WDR7: variants seen among roughly 807,000 people sequenced by gnomAD.
WDR7 encodes WD repeat-containing protein 7.
WDR7 carries 46 observed loss-of-function variants against 169.4 expected under a neutral mutation model. The ratio of observed to expected loss-of-function variants is 0.27; its 90% CI spans 0.21 to 0.35. The LOEUF is 0.35. Among genes scored for constraint, WDR7 ranks in the 10% least tolerant of loss-of-function variants. The pLI, the probability that WDR7 is intolerant of heterozygous loss-of-function variation, is 1.00. For missense variants in WDR7, 1,534 were observed against 1,859.3 expected (o/e 0.83, Z 3.22); for synonymous variants, 612 against 666.8 (o/e 0.92, Z 1.27).
chr18:56,959,785 G>A (rs866165878), intron 25 of WDR7, among the ~76,000 whole-genome samples: 21 of 152,252 alleles, frequency 1.4e-4, no homozygotes, highest in Middle Eastern at 3.4e-3. Context: ...TCAGGGCAGG[G>A]AGCAAGTAAT....
intron 21 of WDR7, among the ~76,000 whole-genome samples, chr18:56,895,446 G>A (rs1391555581): frequency 2.0e-5 from 3 of 150,400 alleles, no homozygotes; most frequent in East Asian, 3.9e-4. Context: ...AAGCATTAGG[G>A]GATAGGAAAA....
chr18:56,811,174 A>G (rs1012734780), intron 19 of WDR7, among the ~76,000 whole-genome samples: 1 of 152,290 alleles, frequency 6.6e-6, no homozygotes, highest in Non-Finnish European at 1.5e-5. Context: ...TCATTTATTC[A>G]TCAGTTGATG....
chr18:56,897,669 T>C (rs141423524), intron 21 of WDR7, among the ~76,000 whole-genome samples: 296 of 152,068 alleles, frequency 1.9e-3, no homozygotes, highest in African/African-American at 6.8e-3. Flanking sequence ...CTTTGTATTG[T>C]TGAGCCAAAT....
rs1853122423 is a variant in WDR7, at chr18:56,776,828, C to T, written c.2895C>T (p.Gly965=). ...VSARSDADHS[G]SDPPSAPALH... is the part of the protein sequence containing the mutation. ...CTCGGTCTGATGCTGATCACTCTGGCTCTGACCCTCCTTCTGCTCCTGCTT... is the reference window on the plus strand; with the variant it reads ...CTCGGTCTGATGCTGATCACTCTGGTTCTGACCCTCCTTCTGCTCCTGCTT... Residue 965 remains glycine, a synonymous_variant, in exon 17 of 28, where the codon GGC becomes GGT. Transcript: ENST00000254442. 1.2e-6 allele frequency: 2 copies of T among 1,614,044 alleles called. No homozygotes were observed. The highest frequency in any genetic ancestry group is 1.7e-6 in the Non-Finnish European group (2 of 1,179,928).
At chr18:56,790,872 ATTTG>A (rs1291115960) in intron 19 of WDR7, among the ~76,000 whole-genome samples, 2 of 151,368 alleles carry the variant, frequency 1.3e-5, no homozygotes, top group East Asian at 3.9e-4. Context: ...TTTTTTTTTT[ATTTG>A]TTTGAGCACC....
chr18:56,805,065 T>C (rs1214596237), intron 19 of WDR7, among the ~76,000 whole-genome samples: 1 of 152,050 alleles, frequency 6.6e-6, no homozygotes, highest in East Asian at 1.9e-4. Context: ...CCTAGTCCAC[T>C]CAGACTCTCA....
At chr18:56,743,063 A>C (rs908380353) in intron 14 of WDR7, among the ~76,000 whole-genome samples, 1 of 152,202 alleles carries the variant, frequency 6.6e-6, no homozygotes, top group African/African-American at 2.4e-5. Context: ...TGTGAGTTAG[A>C]TTCGGTGAGA....
chr18:56,772,988 T>C (rs1184876627), intron 16 of WDR7, among the ~76,000 whole-genome samples: 3 of 152,190 alleles, frequency 2.0e-5, no homozygotes, highest in Non-Finnish European at 2.9e-5. Context: ...GGGAATCCTG[T>C]ATTCAAAATG....
At chr18:56,893,688 A>G (rs905699695) in intron 21 of WDR7, among the ~76,000 whole-genome samples, 5 of 152,092 alleles carry the variant, frequency 3.3e-5, no homozygotes, top group African/African-American at 9.7e-5. Flanking sequence ...TGTGAAATCA[A>G]TAAATGTATG....
chr18:57,006,251 A>G (rs1267208007), intron 26 of WDR7, among the ~76,000 whole-genome samples: 1 of 152,200 alleles, frequency 6.6e-6, no homozygotes, highest in Non-Finnish European at 1.5e-5. Context: ...ATTCTGTGTT[A>G]TAAACAGAGA....
chr18:56,681,290 C>T (rs2025346131), intron 3 of WDR7, 23 bp from the exon 4 acceptor site: 16 of 1,521,562 alleles, frequency 1.1e-5, no homozygotes, highest in Non-Finnish European at 1.2e-5. Context: ...ACACTCAAAG[C>T]TGACCATTAT....
intron 26 of WDR7, among the ~76,000 whole-genome samples, chr18:56,986,811 TCTC>T (rs896742454): frequency 3.3e-5 from 5 of 152,076 alleles, no homozygotes; most frequent in Non-Finnish European, 5.9e-5. Context: ...AAAAATTGAA[TCTC>T]CTCATCATTT....
Position 56,695,003 on chromosome 18 carries a change from C to T in WDR7, c.1162C>T (p.Pro388Ser). 6.2e-7 allele frequency: 1 copy of T among 1,614,110 alleles called. No homozygotes were observed. The highest frequency in any genetic ancestry group is 8.5e-7 in the Non-Finnish European group (1 of 1,180,024). The change falls in exon 11 of 28, where the codon CCT (proline) becomes TCT (serine). Residue 388 changes from proline (P) to serine (S), a missense_variant. Coordinates refer to ENST00000254442, the MANE Select transcript of WDR7 (RefSeq NM_015285.3). ...SLQEAFDKLN[P>S]CPAGIIDQLS... ...GCAAGAGGCATTTGATAAACTGAATCCTTGTCCTGCTGGAATTATAGATCA... is the reference window on the plus strand; with the variant it reads ...GCAAGAGGCATTTGATAAACTGAATTCTTGTCCTGCTGGAATTATAGATCA...
chr18:56,893,379 G>A (rs1276980766), intron 21 of WDR7, among the ~76,000 whole-genome samples: 1 of 151,990 alleles, frequency 6.6e-6, no homozygotes, highest in Admixed American at 6.6e-5. Context: ...ATCAAGAAAG[G>A]ACCATGAACA....
rs17090404 is a variant in WDR7, at chr18:56,887,800, C to T, written c.3526+7635C>T. On this transcript the variant is annotated intron_variant, in intron 21 of 27. Coordinates refer to ENST00000254442, the MANE Select transcript of WDR7 (RefSeq NM_015285.3). ...ATTTATCAGTTTAAATCTTGCTCTC[C>T]TGTTTGAAAACAATTAGATGTCTAA... Among the ~76,000 whole-genome samples the T allele has an allele frequency of 8.5e-3, 1,296 of 152,188 alleles. 16 individuals are homozygous for T. Among genetic ancestry groups the T allele is most frequent in the African/African-American group, 0.029 (1,214 of 41,530 alleles).
At chr18:56,945,236 G>A (rs1352876781) in intron 25 of WDR7, among the ~76,000 whole-genome samples, 1 of 152,178 alleles carries the variant, frequency 6.6e-6, no homozygotes, top group Non-Finnish European at 1.5e-5. Flanking sequence ...TTTGCCAGAG[G>A]TGAGCCATAC....
rs75978962 is a variant in WDR7 at position 56,836,885 on chromosome 18, T to C, written c.3304+20741T>C. Among the ~76,000 whole-genome samples the C allele has an allele frequency of 7.0e-3, 1,074 of 152,348 alleles. 16 individuals carry two copies. The highest frequency in any genetic ancestry group is 0.024 in the African/African-American group (1,011 of 41,574). ...GTCATTTTAATAGGATAATTATTAG[T>C]GTATTAATTCTTCTGCATATTTTTA... On this transcript the variant is annotated intron_variant, in intron 20 of 27. Coordinates refer to ENST00000254442, the MANE Select transcript of WDR7 (RefSeq NM_015285.3).
At chr18:56,744,730 T>C (rs889602068) in intron 14 of WDR7, among the ~76,000 whole-genome samples, 1 of 152,092 alleles carries the variant, frequency 6.6e-6, no homozygotes, top group Non-Finnish European at 1.5e-5. Context: ...TCTGATTTAA[T>C]TGGTATGGGG....
chr18:56,750,024 T>C (rs970044596), intron 14 of WDR7, among the ~76,000 whole-genome samples: 1 of 151,774 alleles, frequency 6.6e-6, no homozygotes, highest in African/African-American at 2.4e-5. Context: ...TGTGTGTGCG[T>C]GTGTGTGTCT....
Sources: allele counts gnomAD v4.1 joint callset (sites outside exome capture counted in the v4.1 genomes callset), GRCh38; gene constraint gnomAD v4.1.1; transcripts MANE v1.5; gene names NCBI Gene and HGNC (gene_info 2026-07-23, HGNC 2026-07-21).